CLCN1: variants seen among roughly 807,000 people sequenced by gnomAD.
The protein encoded by CLCN1 is chloride channel protein 1.
In CLCN1, 100 loss-of-function variants were observed where a neutral mutation model predicts 114.5. The observed-to-expected ratio is 0.87, with a 90% CI of 0.74 to 1.03. The LOEUF (loss-of-function observed/expected upper bound fraction) is 1.03. Ranked by LOEUF, CLCN1 falls within the 50% of genes least tolerant of loss-of-function variation. The pLI is 0.00. For synonymous variants in CLCN1, 485 were observed against 487.1 expected, an observed-to-expected ratio of 1.00 and a Z score of 0.06; for missense variants, 1,188 against 1,250.0, an observed-to-expected ratio of 0.95 and a Z score of 0.75.
At chr7:143,346,320 T>G (rs971106948) in intron 18 of CLCN1, 69 bp downstream of exon 18, 33 of 1,081,818 alleles carry the variant, frequency 3.1e-5, no homozygotes, top group Non-Finnish European at 4.7e-5. Context: ...GGACCTGACC[T>G]TGACCTGCAT....
At chr7:143,319,685 C>T in intron 1 of CLCN1, 70 bp from the exon 2 acceptor site, 1 of 1,522,060 alleles carries the variant, frequency 6.6e-7, no homozygotes, top group Non-Finnish European at 9.1e-7. Flanking sequence ...GTGAGTCTGT[C>T]TGCTGGCCTC....
chr7:143,348,288 A>G (rs960042911), intron 20 of CLCN1, among the ~76,000 whole-genome samples: 1 of 152,202 alleles, frequency 6.6e-6, no homozygotes, highest in African/African-American at 2.4e-5. Context: ...ACAAGCAGGA[A>G]TCAGAAAGGC....
chr7:143,341,698 T>G (rs937142915), intron 14 of CLCN1, among the ~76,000 whole-genome samples: 1 of 152,072 alleles, frequency 6.6e-6, no homozygotes, highest in Non-Finnish European at 1.5e-5. Context: ...AAATGAAAAT[T>G]TTGGCACACA....
chr7:143,316,285 A>G lies in CLCN1; in HGVS notation c.73A>G (p.Met25Val), dbSNP rs1300860950. 6.2e-7 allele frequency: 1 copy of G among 1,613,778 alleles called. No individual in the cohort carries two copies. Among genetic ancestry groups the G allele is most frequent in the Non-Finnish European group, 8.5e-7 (1 of 1,179,804 alleles). Reference sequence around the variant, plus strand: ...GGGTAGTGACCCCCAGTACCAGTATATGCCCTTTGAACACTGCACCAGCTA... The same window carrying G: ...GGGTAGTGACCCCCAGTACCAGTATGTGCCCTTTGAACACTGCACCAGCTA... Reference protein sequence around the residue: ...WWGSDPQYQYMPFEHCTSYGL... With the variant: ...WWGSDPQYQYVPFEHCTSYGL... Residue 25 changes from methionine to valine, a missense_variant, in exon 1 of 23, where the codon ATG becomes GTG. Met to Val is a conservative substitution (Grantham distance 21). Transcript: ENST00000343257.
intron 7 of CLCN1, among the ~76,000 whole-genome samples, chr7:143,329,291 A>C (rs1802660657): frequency 6.6e-6 from 1 of 152,098 alleles, no homozygotes; most frequent in African/African-American, 2.4e-5. Context: ...ATCCTAGGGG[A>C]TCTCTGAAAT....
At position 143,346,694 on chromosome 7, in the gene CLCN1, G is replaced by A. The variant is rs1485906316; in HGVS notation, c.2364+36G>A. On this transcript the variant is annotated intron_variant, in intron 19 of 22. Coordinates refer to ENST00000343257, the MANE Select transcript of CLCN1 (RefSeq NM_000083.3). Reference sequence around the variant, plus strand: ...ATGTGTTTGGGGATACAGGGGAAAGGGAGCCTGCCCTTGAAGAGTGAGAAA... The same window carrying A: ...ATGTGTTTGGGGATACAGGGGAAAGAGAGCCTGCCCTTGAAGAGTGAGAAA... 9 of 1,551,936 alleles carry A rather than the reference G, an allele frequency of 5.8e-6. No homozygotes were observed. The African/African-American group carries it at 8.1e-5, about 14-fold the overall frequency.
At chr7:143,340,151 G>A (rs190924691) in intron 14 of CLCN1, among the ~76,000 whole-genome samples, 52 of 152,284 alleles carry the variant, frequency 3.4e-4, no homozygotes, top group African/African-American at 1.2e-3. Context: ...AACACCAATA[G>A]AATCCTGGGA....
At chr7:143,320,145 T>C (rs527854408) in intron 2 of CLCN1, among the ~76,000 whole-genome samples, 169 of 152,314 alleles carry the variant, frequency 1.1e-3, no homozygotes, top group African/African-American at 3.8e-3. Context: ...CATGCCACCA[T>C]GCCCAGCTAA....
At chr7:143,319,650 C>A (rs1586482830) in intron 1 of CLCN1, 105 bp from the exon 2 acceptor site, 1 of 1,275,602 alleles carries the variant, frequency 7.8e-7, no homozygotes, top group Non-Finnish European at 1.1e-6. Flanking sequence ...ACCCAGAATT[C>A]AAAAAGCTGT....
At chr7:143,335,674 T>TTTTTTTTG (rs1802862187) in intron 12 of CLCN1, among the ~76,000 whole-genome samples, 1 of 150,608 alleles carries the variant, frequency 6.6e-6, no homozygotes, top group Non-Finnish European at 1.5e-5. Context: ...TTTTTTTTTT[T>TTTTTTTTG]TTTGATTCGG....
Position 143,324,515 on chromosome 7 carries a change from C to G in CLCN1, c.853+23C>G, listed in dbSNP as rs748742290. 3.6e-5 allele frequency: 57 copies of G among 1,587,092 alleles called. No individual in the cohort carries two copies. Among genetic ancestry groups the G allele is most frequent in the Non-Finnish European group, 4.6e-5 (53 of 1,155,464 alleles). The stretch of plus-strand genomic sequence containing the variant: ...GAGGCAAGTGATTGACCCCCTCCCC[C>G]ATCAATCGGCTTGCCTGGCCTGGCT... On this transcript the variant is annotated intron_variant, in intron 7 of 22. Coordinates refer to ENST00000343257, the MANE Select transcript of CLCN1 (RefSeq NM_000083.3). This position sits in a 1 kb window ranked among gnomAD's most constrained non-coding sequence, Gnocchi z 4.6.
chr7:143,342,330 G>C, intron 15 of CLCN1, 42 bp from the exon 16 acceptor site: 1 of 1,611,862 alleles, frequency 6.2e-7, no homozygotes, highest in Non-Finnish European at 8.5e-7. Context: ...GAAGGGATAG[G>C]TATACGGTGG....
chr7:143,347,512 T>C (rs990161944), intron 20 of CLCN1, among the ~76,000 whole-genome samples: 1 of 150,964 alleles, frequency 6.6e-6, no homozygotes, highest in Admixed American at 6.6e-5. Flanking sequence ...TCCCAGATAT[T>C]TGGGAGGCTG....
chr7:143,325,677 C>T (rs924244829), intron 7 of CLCN1, among the ~76,000 whole-genome samples: 3 of 152,188 alleles, frequency 2.0e-5, no homozygotes, highest in African/African-American at 7.2e-5. Flanking sequence ...TATTTTTAGA[C>T]TGGGAGACTT....
At chr7:143,320,461 G>A (rs775375635) in intron 2 of CLCN1, among the ~76,000 whole-genome samples, 3 of 152,102 alleles carry the variant, frequency 2.0e-5, no homozygotes, top group Non-Finnish European at 4.4e-5. Context: ...GAGAAACTCA[G>A]TGCATAAGAC....
intron 9 of CLCN1, 67 bp downstream of exon 9, chr7:143,331,383 A>G (rs1458909423): frequency 7.7e-7 from 1 of 1,291,590 alleles, no homozygotes; most frequent in Non-Finnish European, 1.1e-6. Context: ...ATTGGAAGGG[A>G]CCCAAGCTAG....
chr7:143,334,761 G>C (rs964224250), intron 12 of CLCN1, among the ~76,000 whole-genome samples: 1 of 152,126 alleles, frequency 6.6e-6, no homozygotes, highest in African/African-American at 2.4e-5. Context: ...TGGTTTAGTT[G>C]AATCTACAGC....
intron 20 of CLCN1, among the ~76,000 whole-genome samples, chr7:143,347,160 G>C (rs1803270417): frequency 6.6e-6 from 1 of 152,152 alleles, no homozygotes; most frequent in African/African-American, 2.4e-5. Context: ...CGTCATTTCA[G>C]AAGAGAAAAA....
rs1803092198 is a variant in CLCN1 at position 143,342,037 on chromosome 7, T to C, written c.1691T>C (p.Ile564Thr). The C allele has an allele frequency of 6.2e-7, 1 of 1,614,082 alleles. No individual in the cohort carries two copies. The highest frequency in any genetic ancestry group is 1.7e-5 in the Admixed American group (1 of 60,008). Residue 564 changes from isoleucine (I) to threonine (T), a missense_variant, in exon 15 of 23, where the codon ATC becomes ACC. Physicochemically the swap from Ile to Thr is moderately conservative, Grantham distance 89. Transcript: ENST00000343257. The stretch of plus-strand genomic sequence containing the variant: ...ATCCTGCCCATGATGGTGGCTGTTA[T>C]CTTGGCCAACATGGTGGCCCAGAGC... The part of the protein sequence containing the change: ...AHILPMMVAV[I>T]LANMVAQSLQ...
Sources: allele counts gnomAD v4.1 joint callset (sites outside exome capture counted in the v4.1 genomes callset), GRCh38; gene constraint gnomAD v4.1.1; non-coding constraint Gnocchi (gnomAD v3.1); transcripts MANE v1.5; gene names NCBI Gene and HGNC (gene_info 2026-07-23, HGNC 2026-07-21).